XIRP2: variants seen among roughly 807,000 people sequenced by gnomAD.
XIRP2 encodes the protein xin actin-binding repeat-containing protein 2.
In XIRP2, 236 loss-of-function variants were observed where a neutral mutation model predicts 277.0. The ratio of observed to expected loss-of-function variants is 0.85; its 90% CI spans 0.77 to 0.95. The LOEUF is 0.95. XIRP2 is among the 40% of genes least tolerant of loss of function. XIRP2 has a pLI of 0.00. For synonymous variants in XIRP2, 1,490 were observed against 1,416.5 expected (o/e 1.05, Z -1.17); for missense variants, 4,640 against 4,157.5 (o/e 1.12, Z -3.19).
In XIRP2 at chr2:167,244,427, G is replaced by A; in HGVS notation, c.3035G>A (p.Gly1012Asp). 1 of 1,613,796 alleles carries A rather than the reference G, an allele frequency of 6.2e-7. No individual in the cohort carries two copies. Among genetic ancestry groups the A allele is most frequent in the Non-Finnish European group, 8.5e-7 (1 of 1,179,834 alleles). The change falls in exon 9 of 11, where the codon GGT (glycine) becomes GAT (aspartate). Residue 1012 changes from glycine to aspartate, a missense_variant. Physicochemically the swap from Gly to Asp is moderately conservative, Grantham distance 94. Coordinates refer to ENST00000409195, the MANE Select transcript of XIRP2 (RefSeq NM_152381.6). ...KTVQQEEIVR[G>D]DVRSCRWLFE... ...GTCCAGCAAGAAGAAATCGTAAGAG[G>A]TGATGTAAGAAGCTGTAGGTGGCTT...
intron 2 of XIRP2, among the ~76,000 whole-genome samples, chr2:167,103,063 T>TG (rs1690527714): frequency 6.6e-6 from 1 of 151,972 alleles, no homozygotes; most frequent in African/African-American, 2.4e-5. Flanking sequence ...CACTTGAGCC[T>TG]GGGAGGTTGA....
intron 2 of XIRP2, among the ~76,000 whole-genome samples, chr2:166,929,057 G>C (rs2105366303): frequency 6.6e-6 from 1 of 152,054 alleles, no homozygotes; most frequent in South Asian, 2.1e-4. Flanking sequence ...CTCAAAGACT[G>C]ATCCCCAACC....
At chr2:166,947,638 C>A (rs1047403332) in intron 2 of XIRP2, among the ~76,000 whole-genome samples, 2 of 152,032 alleles carry the variant, frequency 1.3e-5, no homozygotes, top group Non-Finnish European at 2.9e-5. Flanking sequence ...GAAATAGGAC[C>A]TTTCATTTGT....
intron 5 of XIRP2, among the ~76,000 whole-genome samples, chr2:167,223,402 A>G (rs1694490967): frequency 6.6e-6 from 1 of 152,162 alleles, no homozygotes; most frequent in Non-Finnish European, 1.5e-5. Flanking sequence ...GACAGTATAT[A>G]TCTTTCCTCA....
At chr2:166,907,772 A>ATT (rs1684567891) in intron 2 of XIRP2, among the ~76,000 whole-genome samples, 74 of 39,066 alleles carry the variant, frequency 1.9e-3, no homozygotes, top group African/African-American at 7.4e-3. Context: ...CCCTCCCCCC[A>ATT]CCCCATGACA....
At chr2:167,002,931 G>C (rs911519984) in intron 2 of XIRP2, among the ~76,000 whole-genome samples, 1 of 151,806 alleles carries the variant, frequency 6.6e-6, no homozygotes, top group African/African-American at 2.4e-5. Context: ...GATGCTCATG[G>C]CTTATTAACC....
intron 3 of XIRP2, among the ~76,000 whole-genome samples, chr2:167,146,406 C>A (rs527733471): frequency 1.3e-5 from 2 of 151,656 alleles, no homozygotes; most frequent in African/African-American, 4.8e-5. Flanking sequence ...AATGCTGAGG[C>A]AGGAGAATTG....
chr2:167,249,441 T>C lies in XIRP2; in HGVS notation c.8049T>C (p.Ser2683=), dbSNP rs752106455. 3 of 1,613,794 alleles carry C rather than the reference T, an allele frequency of 1.9e-6. No homozygotes were observed. The highest frequency in any genetic ancestry group is 2.5e-6 in the Non-Finnish European group (3 of 1,179,836). Reference sequence around the variant, plus strand: ...TTAAACAAAGTCACCAAGAATGTAGTACCCAACAAACACAACAGAAGAAGT... The same window carrying C: ...TTAAACAAAGTCACCAAGAATGTAGCACCCAACAAACACAACAGAAGAAGT... ...CEIKQSHQEC[S]TQQTQQKKYL... is the part of the protein sequence containing the mutation. The change falls in exon 9 of 11, where the codon AGT becomes AGC. Residue 2683 remains serine (S), a synonymous_variant. Coordinates refer to ENST00000409195, the MANE Select transcript of XIRP2 (RefSeq NM_152381.6).
intron 5 of XIRP2, among the ~76,000 whole-genome samples, chr2:167,222,354 AG>A (rs1694458317): frequency 6.6e-6 from 1 of 152,122 alleles, no homozygotes; most frequent in African/African-American, 2.4e-5. Context: ...TGAAGGAGAG[AG>A]TTAGGTGGTG....
At chr2:167,221,801 G>T (rs1015712580) in intron 5 of XIRP2, among the ~76,000 whole-genome samples, 108 of 152,098 alleles carry the variant, frequency 7.1e-4, no homozygotes, top group African/African-American at 2.5e-3. Context: ...TTTGCCCCTG[G>T]CCAAAAAATA....
chr2:167,233,106 G>A (rs887507271), intron 5 of XIRP2, among the ~76,000 whole-genome samples: 8 of 151,866 alleles, frequency 5.3e-5, no homozygotes, highest in African/African-American at 1.9e-4. Flanking sequence ...GATTAAGAAA[G>A]ACATCTGATG....
intron 2 of XIRP2, among the ~76,000 whole-genome samples, chr2:166,984,204 A>C (rs569002320): frequency 6.6e-6 from 1 of 152,320 alleles, no homozygotes; most frequent in African/African-American, 2.4e-5. Context: ...CTTGTCACTA[A>C]ATGACAGGGA....
intron 3 of XIRP2, among the ~76,000 whole-genome samples, chr2:167,159,090 G>T (rs1360231154): frequency 2.0e-4 from 30 of 152,138 alleles, no homozygotes; most frequent in Admixed American, 2.0e-3. Context: ...TGGTGGAAAC[G>T]TTCATAGAGG....
Position 167,244,911 on chromosome 2 carries a change from T to C in XIRP2, c.3519T>C (p.Asn1173=). ...CATGTTTTCTTTTTGAGACAGAAAA[T>C]TTGGACAGCATACAAGGAGAAGAAG... ...RTACFLFETE[N]LDSIQGEEVK... The change falls in exon 9 of 11, where the codon AAT becomes AAC. Residue 1173 remains asparagine (N), a synonymous_variant. Coordinates refer to ENST00000409195, the MANE Select transcript of XIRP2 (RefSeq NM_152381.6). 1 of 1,613,028 alleles carries C rather than the reference T, an allele frequency of 6.2e-7. No individual in the cohort carries two copies. The highest frequency in any genetic ancestry group is 8.5e-7 in the Non-Finnish European group (1 of 1,179,648).
intron 5 of XIRP2, among the ~76,000 whole-genome samples, chr2:167,226,641 G>C (rs1694610800): frequency 6.6e-6 from 1 of 152,016 alleles, no homozygotes; most frequent in South Asian, 2.1e-4. Flanking sequence ...ATAAAAGCCT[G>C]CATGAGACTG....
At chr2:167,252,036 G>T in intron 9 of XIRP2, 89 bp downstream of exon 9, 3 of 1,486,358 alleles carry the variant, frequency 2.0e-6, no homozygotes, top group Non-Finnish European at 2.7e-6. Flanking sequence ...AAAAGAGTGC[G>T]TGGAAACAAC....
At chr2:167,177,623 A>G (rs2105354216) in intron 3 of XIRP2, among the ~76,000 whole-genome samples, 1 of 152,306 alleles carries the variant, frequency 6.6e-6, no homozygotes, top group South Asian at 2.1e-4. Context: ...AGTCAGTTAA[A>G]TATTCATGTG....
At chr2:167,187,007 CT>C (rs1693174292) in intron 3 of XIRP2, among the ~76,000 whole-genome samples, 1 of 152,094 alleles carries the variant, frequency 6.6e-6, no homozygotes, top group Non-Finnish European at 1.5e-5. Flanking sequence ...CTTTTTCCAC[CT>C]GCTTTATTTT....
chr2:167,214,143 AGAAAG>A (rs1313237792), intron 4 of XIRP2, among the ~76,000 whole-genome samples: 3 of 115,514 alleles, frequency 2.6e-5, no homozygotes, highest in African/African-American at 4.0e-5. Flanking sequence ...GGAAGCAAAG[AGAAAG>A]AGAAAGAAGG....
Sources: allele counts gnomAD v4.1 joint callset (sites outside exome capture counted in the v4.1 genomes callset), GRCh38; gene constraint gnomAD v4.1.1; transcripts MANE v1.5; gene names NCBI Gene and HGNC (gene_info 2026-07-23, HGNC 2026-07-21).